The following HPCAL1 variants were observed in gnomAD, a reference collection of about 807,000 sequenced individuals.
HPCAL1 encodes the protein hippocalcin-like protein 1.
A neutral mutation model predicts 17.1 loss-of-function variants in HPCAL1; 8 were observed. That is an observed-to-expected ratio of 0.47 (90% confidence interval 0.27 to 0.84). The LOEUF (loss-of-function observed/expected upper bound fraction) is 0.84. Among genes scored for constraint, HPCAL1 ranks in the 40% least tolerant of loss-of-function variants. HPCAL1 has a pLI of 0.13. For missense variants in HPCAL1, 165 were observed against 271.1 expected, an observed-to-expected ratio of 0.61 and a Z score of 2.75; for synonymous variants, 112 against 111.4, an observed-to-expected ratio of 1.01 and a Z score of -0.03.
chr2:10,405,764 G>A (rs1034097854), intron 2 of HPCAL1, among the ~76,000 whole-genome samples: 2 of 152,174 alleles, frequency 1.3e-5, no homozygotes, highest in Admixed American at 1.3e-4. Context: ...CAGGAGCAGC[G>A]CCCTGCCAGC....
Position 10,365,879 on chromosome 2 carries a change from C to A in HPCAL1, c.-110-30956C>A, listed in dbSNP as rs2125498609. Among the ~76,000 whole-genome samples the A allele has an allele frequency of 6.6e-6, 1 of 152,212 alleles. No individual in the cohort carries two copies. Among genetic ancestry groups the A allele is most frequent in the Admixed American group, 6.5e-5 (1 of 15,294 alleles). On this transcript the variant is annotated intron_variant, in intron 1 of 4. Coordinates refer to ENST00000307845, the MANE Select transcript of HPCAL1 (RefSeq NM_002149.4). This position sits in a 1 kb window ranked among gnomAD's most constrained non-coding sequence, Gnocchi z 4.8. ...CGAGCCTCGCCTGCTGGGTGCTGAG[C>A]CCACACCGCATGTCCTCGGCCTCCC...
At chr2:10,413,479 C>G (rs1670475016) in intron 2 of HPCAL1, among the ~76,000 whole-genome samples, 1 of 152,260 alleles carries the variant, frequency 6.6e-6, no homozygotes, top group Admixed American at 6.5e-5. Context: ...CCAGCTGGGT[C>G]ACCTGGGAGA....
At chr2:10,420,519 C>T (rs986796414) in intron 3 of HPCAL1, among the ~76,000 whole-genome samples, 24 of 151,876 alleles carry the variant, frequency 1.6e-4, no homozygotes, top group Non-Finnish European at 3.4e-4. Context: ...TATGTTCACT[C>T]GACATTGGGT....
intron 1 of HPCAL1, among the ~76,000 whole-genome samples, chr2:10,336,102 T>C (rs375285744): frequency 0.012 from 1,430 of 115,348 alleles, 91 homozygotes; most frequent in African/African-American, 0.026. Context: ...TGTGCGTATC[T>C]TCTGCTGTAA....
At chr2:10,325,240 C>G (rs746451313) in intron 1 of HPCAL1, among the ~76,000 whole-genome samples, 3 of 152,204 alleles carry the variant, frequency 2.0e-5, no homozygotes, top group African/African-American at 2.4e-5. Flanking sequence ...TCATAGCTCA[C>G]TGCAGCCTTG....
At chr2:10,327,328 G>A (rs1428149224) in intron 1 of HPCAL1, among the ~76,000 whole-genome samples, 1 of 152,224 alleles carries the variant, frequency 6.6e-6, no homozygotes, top group East Asian at 1.9e-4. Flanking sequence ...TCTCTAGGTA[G>A]CTGTTATGGA....
chr2:10,332,742 G>A (rs1463632071), intron 1 of HPCAL1, among the ~76,000 whole-genome samples: 2 of 152,056 alleles, frequency 1.3e-5, no homozygotes, highest in Admixed American at 1.3e-4. Flanking sequence ...GTAGCTGCGA[G>A]AAGACATCAC....
At chr2:10,380,406 T>A (rs1667862795) in intron 1 of HPCAL1, among the ~76,000 whole-genome samples, 1 of 151,928 alleles carries the variant, frequency 6.6e-6, no homozygotes, top group Admixed American at 6.6e-5. Flanking sequence ...CTGCTTGTGT[T>A]GTTGAATTGG....
At chr2:10,403,455 TG>T (rs1669765323) in intron 2 of HPCAL1, among the ~76,000 whole-genome samples, 2 of 380 alleles carry the variant, frequency 5.3e-3, no homozygotes, top group Non-Finnish European at 0.013. Context: ...AGAGTTCTTT[TG>T]TGTGTGTGTG....
At position 10,343,844 on chromosome 2, in the gene HPCAL1, G is replaced by A. The variant is rs1242840105; in HGVS notation, c.-111+40667G>A. Among the ~76,000 whole-genome samples, 1 of 152,206 alleles carries A rather than the reference G, an allele frequency of 6.6e-6. No individual in the cohort carries two copies. Among genetic ancestry groups the A allele is most frequent in the Non-Finnish European group, 1.5e-5 (1 of 68,038 alleles). On this transcript the variant is annotated intron_variant, in intron 1 of 4. Coordinates refer to ENST00000307845, the MANE Select transcript of HPCAL1 (RefSeq NM_002149.4). This position sits in a 1 kb window ranked among gnomAD's most constrained non-coding sequence, Gnocchi z 4.8. Reference sequence around the variant, plus strand: ...AGATGAGGGCAGAAAGAGAAGAGGGGGCAGGCCTCAGGGATGAACACATGG... The same window carrying A: ...AGATGAGGGCAGAAAGAGAAGAGGGAGCAGGCCTCAGGGATGAACACATGG...
At chr2:10,420,997 T>C (rs1400352782) in intron 3 of HPCAL1, among the ~76,000 whole-genome samples, 8 of 151,936 alleles carry the variant, frequency 5.3e-5, no homozygotes, top group Non-Finnish European at 1.2e-4. Flanking sequence ...CTCACCTCAG[T>C]TGATCTGCCT....
At position 10,326,252 on chromosome 2, in the gene HPCAL1, A is replaced by T. The variant is rs373019178; in HGVS notation, c.-111+23075A>T. ...GGGTTTCTTCTCAAAATAAGGGCAG[A>T]TGGGAGATCTCCCTGCCTCAAGGGG... On this transcript the variant is annotated intron_variant, in intron 1 of 4. Coordinates refer to ENST00000307845, the MANE Select transcript of HPCAL1 (RefSeq NM_002149.4). Among the ~76,000 whole-genome samples the T allele has an allele frequency of 1.4e-4, 21 of 152,360 alleles. No homozygotes were observed. The East Asian group carries it at 4.0e-3, about 29-fold the overall frequency.
chr2:10,385,123 A>T (rs1172932839), intron 1 of HPCAL1, among the ~76,000 whole-genome samples: 2 of 149,926 alleles, frequency 1.3e-5, no homozygotes, highest in Non-Finnish European at 3.0e-5. Flanking sequence ...GATAGAGGTG[A>T]CAGGAAGACC....
At position 10,326,802 on chromosome 2, in the gene HPCAL1, C is replaced by T. The variant is rs758338225; in HGVS notation, c.-111+23625C>T. The stretch of plus-strand genomic sequence containing the variant: ...GAGTGCCCCCTTCTCCCTCCCTGTG[C>T]ATTTGAAAGTTGGCTGGTGCTCGCT... On this transcript the variant is annotated intron_variant, in intron 1 of 4. Transcript: ENST00000307845. Among the ~76,000 whole-genome samples, 214 of 152,310 alleles carry T rather than the reference C, an allele frequency of 1.4e-3. 1 individual carries two copies. Among genetic ancestry groups the T allele is most frequent in the Non-Finnish European group, 2.5e-3 (170 of 68,024 alleles).
chr2:10,345,286 A>G (rs1359857850), intron 1 of HPCAL1, among the ~76,000 whole-genome samples: 1 of 151,966 alleles, frequency 6.6e-6, no homozygotes, highest in Non-Finnish European at 1.5e-5. Context: ...GAGTGATAAT[A>G]CTGTACTCTG....
rs1662919309 is a variant in HPCAL1, at chr2:10,310,947, C to T, written c.-111+7770C>T. ...TCACTCCCATCTTTTCTATTTGCTG[C>T]CCTGTAATCAATTTTTGGAGAGAAG... On this transcript the variant is annotated intron_variant, in intron 1 of 4. Transcript: ENST00000307845. This position sits in a 1 kb window ranked among gnomAD's most constrained non-coding sequence, Gnocchi z 4.5. Among the ~76,000 whole-genome samples, 7 of 152,152 alleles carry T rather than the reference C, an allele frequency of 4.6e-5. No homozygotes were observed. The South Asian group carries it at 1.5e-3, about 32-fold the overall frequency.
chr2:10,329,237 C>T (rs1348952573), intron 1 of HPCAL1, among the ~76,000 whole-genome samples: 1 of 152,196 alleles, frequency 6.6e-6, no homozygotes, highest in Non-Finnish European at 1.5e-5. Context: ...CCCTCAGATG[C>T]TCACATCCGA....
At chr2:10,376,259 A>G (rs758935385) in intron 1 of HPCAL1, among the ~76,000 whole-genome samples, 25 of 152,212 alleles carry the variant, frequency 1.6e-4, no homozygotes, top group Non-Finnish European at 3.2e-4. Context: ...TAATAATGCA[A>G]ACAGACTAAC....
In HPCAL1 at chr2:10,345,508, G is replaced by T. The variant is rs149635454; in HGVS notation, c.-111+42331G>T. On this transcript the variant is annotated intron_variant, in intron 1 of 4. Transcript: ENST00000307845. ...CAGGGTCTTGCTGTCACCCAGGCTGGAGTGGTGGCACAATCTTGGCCTACT... is the reference window on the plus strand; with the variant it reads ...CAGGGTCTTGCTGTCACCCAGGCTGTAGTGGTGGCACAATCTTGGCCTACT... Among the ~76,000 whole-genome samples, 359 of 151,356 alleles carry T rather than the reference G, an allele frequency of 2.4e-3. 1 individual carries two copies. Among genetic ancestry groups the T allele is most frequent in the African/African-American group, 8.4e-3 (348 of 41,204 alleles).
Sources: gnomAD v4.1 joint callset for allele counts (sites outside exome capture counted in the v4.1 genomes callset) on GRCh38, gnomAD v4.1.1 for gene constraint, Gnocchi (gnomAD v3.1) non-coding constraint, MANE v1.5 for transcripts, NCBI Gene and HGNC (gene_info 2026-07-23, HGNC 2026-07-21) for gene names.